The following DIXDC1 variants were observed in gnomAD, a reference collection of about 807,000 sequenced individuals.
The protein encoded by DIXDC1 is DIX domain containing 1.
A neutral mutation model predicts 103.1 loss-of-function variants in DIXDC1; 64 were observed. That is an observed-to-expected ratio of 0.62 (90% CI 0.51 to 0.76). The LOEUF (loss-of-function observed/expected upper bound fraction) is 0.76, where lower values mean the gene tolerates loss of function less well. Among genes scored for constraint, DIXDC1 ranks in the 30% least tolerant of loss-of-function variants. The pLI is 0.00. For missense variants in DIXDC1, 759 were observed against 834.2 expected (o/e 0.91, Z 1.11); for synonymous variants, 266 against 298.5 (o/e 0.89, Z 1.12).
At chr11:112,010,861 C>T (rs1418639802) in intron 17 of DIXDC1, among the ~76,000 whole-genome samples, 3 of 152,084 alleles carry the variant, frequency 2.0e-5, no homozygotes, top group African/African-American at 7.2e-5. Context: ...AGAAGAAAAC[C>T]GAGGCAATAC....
intron 2 of DIXDC1, among the ~76,000 whole-genome samples, chr11:111,931,360 T>C (rs116523416): frequency 0.01 from 1,578 of 151,706 alleles, 26 homozygotes; most frequent in African/African-American, 0.036. Flanking sequence ...TTTTAAAGAC[T>C]GATGTCAGGC....
chr11:111,975,110 G>C (rs1391945297), intron 5 of DIXDC1, 127 bp downstream of exon 5: 2 of 1,498,756 alleles, frequency 1.3e-6, no homozygotes, highest in African/African-American at 2.8e-5. Flanking sequence ...GGCTTTAAAG[G>C]GATACCCCTT....
intron 19 of DIXDC1, 84 bp from the exon 20 acceptor site, chr11:112,018,872 T>G: frequency 8.4e-7 from 1 of 1,190,490 alleles, no homozygotes; most frequent in Non-Finnish European, 1.2e-6. Flanking sequence ...TCTACATGGT[T>G]GAGGTCTTAT....
chr11:111,980,763 G>A lies in DIXDC1; in HGVS notation c.683G>A (p.Ser228Asn). 1 of 1,613,940 alleles carries A rather than the reference G, an allele frequency of 6.2e-7. No individual in the cohort carries two copies. The highest frequency in any genetic ancestry group is 8.5e-7 in the Non-Finnish European group (1 of 1,179,876). The stretch of plus-strand genomic sequence containing the variant: ...CTGACTTCACCCAGTCCAATCCACA[G>A]TGCAAAGAGCGAGTCCATTATAACC... ...SSLTSPSPIH[S>N]AKSESIITQS... Residue 228 changes from serine (S) to asparagine (N), a missense_variant, in exon 6 of 20, where the codon AGT becomes AAT. Ser to Asn is a conservative substitution (Grantham distance 46, BLOSUM62 1). Around this residue, in one of 3 missense-constraint regions of DIXDC1, gnomAD observed 657 missense variants for 727.5 expected, o/e 0.90. Transcript: ENST00000440460.
At position 111,930,827 on chromosome 11, in the gene DIXDC1, CCTTTCTTT is replaced by C. The variant is rs201009230; in HGVS notation, c.57+931_57+938del. Among the ~76,000 whole-genome samples, 412 of 146,224 alleles carry C rather than the reference CCTTTCTTT, an allele frequency of 2.8e-3. 4 individuals are homozygous for C. The highest frequency in any genetic ancestry group is 3.9e-3 in the East Asian group (20 of 5,108). On this transcript the variant is annotated intron_variant, in intron 2 of 5. Transcript: ENST00000529225. ...AGCCTGAGCAACATAGTGAGACCCT[CCTTTCTTT>C]CTTTCTTTCTTTCCTTTTTTTTTTT...
intron 7 of DIXDC1, among the ~76,000 whole-genome samples, chr11:111,983,058 G>A (rs1053006400): frequency 6.6e-5 from 10 of 152,172 alleles, no homozygotes; most frequent in Non-Finnish European, 1.5e-4. Flanking sequence ...AAATCTACCC[G>A]AGACTGACCC....
upstream of DIXDC1, among the ~76,000 whole-genome samples, chr11:111,935,951 G>A (rs149745082): frequency 2.4e-3 from 365 of 152,314 alleles, no homozygotes; most frequent in Admixed American, 7.6e-3. Flanking sequence ...GTGTTTAGCA[G>A]CTTTAGACAT....
intron 7 of DIXDC1, among the ~76,000 whole-genome samples, chr11:111,982,805 A>G (rs1390051127): frequency 2.0e-5 from 3 of 152,206 alleles, no homozygotes; most frequent in Non-Finnish European, 4.4e-5. Context: ...CAGACCTGCA[A>G]TTGCAGCTTT....
At chr11:112,009,337 T>TCCAGGA (rs1365121236) in intron 17 of DIXDC1, among the ~76,000 whole-genome samples, 4 of 152,046 alleles carry the variant, frequency 2.6e-5, no homozygotes, top group Non-Finnish European at 5.9e-5. Context: ...CCAAAAAAAG[T>TCCAGGA]CCAGGACCAG....
chr11:111,975,465 T>G (rs1860066625), intron 5 of DIXDC1: 1 of 1,002,656 alleles, frequency 1.0e-6, no homozygotes, highest in Non-Finnish European at 1.2e-6. Flanking sequence ...TGTGGCTGAT[T>G]AGTATGTGTT....
At position 111,977,974 on chromosome 11, in the gene DIXDC1, G is replaced by A. The variant is rs781913110; in HGVS notation, c.657-2763G>A. Among the ~76,000 whole-genome samples, 2 of 152,132 alleles carry A rather than the reference G, an allele frequency of 1.3e-5. No homozygotes were observed. The highest frequency in any genetic ancestry group is 2.9e-5 in the Non-Finnish European group (2 of 68,022). On this transcript the variant is annotated intron_variant, in intron 5 of 19. Coordinates refer to ENST00000440460, the MANE Select transcript of DIXDC1 (RefSeq NM_001037954.4). This position sits in a 1 kb window ranked among gnomAD's most constrained non-coding sequence, Gnocchi z 6.1. Reference sequence around the variant, plus strand: ...TGGGCGTAGGAAGTGGAGCCAGCATGGGGGGAGGATGAGTAGCCCTTGCGC... The same window carrying A: ...TGGGCGTAGGAAGTGGAGCCAGCATAGGGGGAGGATGAGTAGCCCTTGCGC...
chr11:111,988,646 G>T (rs782482306), intron 9 of DIXDC1, among the ~76,000 whole-genome samples: 6 of 152,176 alleles, frequency 3.9e-5, no homozygotes, highest in Non-Finnish European at 5.9e-5. Context: ...ATTTAGATAT[G>T]ATCATATATT....
Position 111,992,955 on chromosome 11 carries a change from A to G in DIXDC1, c.1223A>G (p.Asp408Gly), listed in dbSNP as rs1555174712. Residue 408 changes from aspartate to glycine, a missense_variant, in exon 12 of 20, where the codon GAT becomes GGT. This residue lies in a region of DIXDC1 where 657 missense variants were observed against 727.5 expected (regional missense o/e 0.90). Transcript: ENST00000440460. ...AATTCTTTCTTATTCTTGCAGGTGG[A>G]TCTGCAGAGGAAGCTAGATGAGAGG... The part of the protein sequence containing the change: ...DKDELHNQNV[D>G]LQRKLDERNR... The G allele has an allele frequency of 6.2e-7, 1 of 1,607,846 alleles. No homozygotes were observed. The highest frequency in any genetic ancestry group is 1.3e-5 in the African/African-American group (1 of 75,006).
At chr11:111,963,290 G>A (rs1228242185) in intron 1 of DIXDC1, among the ~76,000 whole-genome samples, 4 of 152,190 alleles carry the variant, frequency 2.6e-5, no homozygotes, top group Non-Finnish European at 5.9e-5. Context: ...TTTAGTTCAT[G>A]ATAGGTGCTC....
At chr11:111,930,027 A>T in intron 2 of DIXDC1, 1 of 980,290 alleles carries the variant, frequency 1.0e-6, no homozygotes, top group South Asian at 1.8e-5. Context: ...ATTTTAATAT[A>T]TTTGTCTTTT....
At chr11:111,978,193 T>C (rs900092104) in intron 5 of DIXDC1, among the ~76,000 whole-genome samples, 1 of 152,214 alleles carries the variant, frequency 6.6e-6, no homozygotes, top group Admixed American at 6.5e-5. Flanking sequence ...CCAGACCTGA[T>C]CAGTCATTCT....
intron 3 of DIXDC1, among the ~76,000 whole-genome samples, chr11:111,970,422 A>G (rs1343488721): frequency 6.6e-6 from 1 of 152,214 alleles, no homozygotes; most frequent in Non-Finnish European, 1.5e-5. Context: ...ACAATCCCAC[A>G]AACAATCCCA....
At chr11:111,929,583 T>TAAAA (rs587666008) in intron 1 of DIXDC1, among the ~76,000 whole-genome samples, 2 of 90,628 alleles carry the variant, frequency 2.2e-5, no homozygotes, top group African/African-American at 8.4e-5. Flanking sequence ...ACCTTATCTC[T>TAAAA]AAAAAAAAAA....
chr11:111,947,968 C>A (rs1388589615), intron 1 of DIXDC1, among the ~76,000 whole-genome samples: 1 of 152,086 alleles, frequency 6.6e-6, no homozygotes, highest in Non-Finnish European at 1.5e-5. Context: ...GCCTGGGCAA[C>A]ATAGCAAGGA....
Sources: allele counts gnomAD v4.1 joint callset (sites outside exome capture counted in the v4.1 genomes callset), GRCh38; gene constraint gnomAD v4.1.1; regional missense constraint gnomAD v4.1.1; non-coding constraint Gnocchi (gnomAD v3.1); transcripts MANE v1.5; gene names NCBI Gene and HGNC (gene_info 2026-07-23, HGNC 2026-07-21).